Variants in AZGP1 observed in about 807,000 individuals in gnomAD.
AZGP1 encodes zinc-alpha-2-glycoprotein.
Under a neutral mutation model 31.5 loss-of-function variants are expected in AZGP1, and 28 were observed. The observed-to-expected ratio is 0.89, with a 90% CI of 0.66 to 1.22. The LOEUF (loss-of-function observed/expected upper bound fraction) is 1.22. Among genes scored for constraint, AZGP1 ranks in the 50% most tolerant of loss-of-function variants. The probability of loss-of-function intolerance (pLI) is 0.00; values close to 1 mark genes in which losing one functional copy is unlikely to be tolerated. For synonymous variants in AZGP1, 135 were observed against 145.4 expected (o/e 0.93, Z 0.51); for missense variants, 361 against 371.8 (o/e 0.97, Z 0.24).
At chr7:99,971,407 C>G (rs967324906) in intron 2 of AZGP1, among the ~76,000 whole-genome samples, 1 of 152,174 alleles carries the variant, frequency 6.6e-6, no homozygotes, top group Non-Finnish European at 1.5e-5. Flanking sequence ...GGCAACCTCC[C>G]TGGACAGGGG....
At chr7:99,975,908 T>G in intron 1 of AZGP1, 37 bp downstream of exon 1, 1 of 1,608,806 alleles carries the variant, frequency 6.2e-7, no homozygotes, top group Non-Finnish European at 8.5e-7. Flanking sequence ...CTCCTTCCAG[T>G]CCTCTCCAGC....
intron 2 of AZGP1, among the ~76,000 whole-genome samples, chr7:99,971,014 G>C (rs373172143): frequency 6.6e-6 from 1 of 152,166 alleles, no homozygotes; most frequent in African/African-American, 2.4e-5. Context: ...GGTCTGCATC[G>C]TATGGTAAGG....
chr7:99,974,525 T>C (rs954852651), intron 1 of AZGP1, among the ~76,000 whole-genome samples: 8 of 152,010 alleles, frequency 5.3e-5, no homozygotes, highest in African/African-American at 1.9e-4. Context: ...AGGCGGAGGT[T>C]GCAGTGAGCC....
chr7:99,968,494 C>G, intron 2 of AZGP1, 64 bp from the exon 3 acceptor site: 1 of 1,581,336 alleles, frequency 6.3e-7, no homozygotes, highest in Middle Eastern at 1.7e-4. Flanking sequence ...CAAAATAACT[C>G]TTAGTCTTGC....
At chr7:99,967,799 C>T in intron 3 of AZGP1, 2 of 531,788 alleles carry the variant, frequency 3.8e-6, no homozygotes, top group East Asian at 3.2e-5. Context: ...AGATAAAAAA[C>T]GATGGGATTT....
chr7:99,967,891 T>C, intron 3 of AZGP1: 1 of 604,414 alleles, frequency 1.7e-6, no homozygotes, highest in Non-Finnish European at 2.9e-6. Context: ...TCAAGCTCCT[T>C]GTCTGTTAAT....
chr7:99,969,695 C>T (rs1246068141), intron 2 of AZGP1, among the ~76,000 whole-genome samples: 1 of 152,152 alleles, frequency 6.6e-6, no homozygotes, highest in Admixed American at 6.5e-5. Flanking sequence ...GTCACAACTA[C>T]ACCAAAGTGT....
chr7:99,968,681 G>T, intron 2 of AZGP1: 1 of 518,452 alleles, frequency 1.9e-6, no homozygotes, highest in Non-Finnish European at 3.4e-6. Context: ...GAGAGCTACA[G>T]CCTGGGCGCT....
chr7:99,967,924 A>T, intron 3 of AZGP1: 1 of 643,648 alleles, frequency 1.6e-6, no homozygotes, highest in Non-Finnish European at 2.7e-6. Flanking sequence ...GGGGACACTC[A>T]TCAAGAAAGA....
intron 3 of AZGP1, 88 bp from the exon 4 acceptor site, chr7:99,967,374 C>A: frequency 7.0e-7 from 1 of 1,436,234 alleles, no homozygotes. Context: ...TGGATGTCAG[C>A]GATCAGCAGA....
intron 1 of AZGP1, 30 bp from the exon 2 acceptor site, chr7:99,972,036 G>T (rs371847507): frequency 1.3e-6 from 2 of 1,576,794 alleles, no homozygotes; most frequent in Admixed American, 1.7e-5. Context: ...GATGGTTGAG[G>T]TCCATGCAAG....
intron 2 of AZGP1, chr7:99,968,686 G>C (rs1789531300): frequency 2.0e-6 from 1 of 501,648 alleles, no homozygotes; most frequent in Non-Finnish European, 3.5e-6. Flanking sequence ...CTACAGCCTG[G>C]GCGCTGTGGC....
intron 3 of AZGP1, chr7:99,967,949 C>A: frequency 1.4e-6 from 1 of 730,712 alleles, no homozygotes; most frequent in Non-Finnish European, 2.3e-6. Flanking sequence ...CCTTCCTGGC[C>A]CATTCTGCCT....
Position 99,967,100 on chromosome 7 carries a change from AC to A in AZGP1, c.799del (p.Val267TrpfsTer69), listed in dbSNP as rs1789493998. On this transcript the variant is annotated frameshift_variant, in exon 4 of 4. Transcript: ENST00000292401. LOFTEE classifies it high-confidence loss of function. Reference sequence around the variant, plus strand: ...TGTGTCCTGCGGGGGCACTGCCACCACCACCCAGGACTGGTAAGTGCCATTT... The same window carrying A: ...TGTGTCCTGCGGGGGCACTGCCACCACACCCAGGACTGGTAAGTGCCATTT... ...NGNGTYQSWV[V>X]VAVPPQDTAP... The A allele has an allele frequency of 6.2e-7, 1 of 1,614,042 alleles. No individual in the cohort carries two copies. The highest frequency in any genetic ancestry group is 1.3e-5 in the African/African-American group (1 of 74,906).
intron 2 of AZGP1, among the ~76,000 whole-genome samples, chr7:99,969,230 A>G (rs927176709): frequency 3.3e-5 from 5 of 151,698 alleles, no homozygotes; most frequent in African/African-American, 1.2e-4. Context: ...CCAACATGGT[A>G]AGACCTCATC....
At chr7:99,967,968 G>A in intron 3 of AZGP1, 187 bp downstream of exon 3, 1 of 858,668 alleles carries the variant, frequency 1.2e-6, no homozygotes, top group Non-Finnish European at 1.8e-6. Flanking sequence ...CTGAAATTTT[G>A]ATGATGTTCT....
At chr7:99,973,962 G>T (rs1021095812) in intron 1 of AZGP1, among the ~76,000 whole-genome samples, 3 of 150,344 alleles carry the variant, frequency 2.0e-5, no homozygotes, top group African/African-American at 2.4e-5. Flanking sequence ...GCACAACAGG[G>T]TGACTATAGT....
At chr7:99,967,562 G>A in intron 3 of AZGP1, 1 of 522,118 alleles carries the variant, frequency 1.9e-6, no homozygotes, top group Non-Finnish European at 3.4e-6. Flanking sequence ...GTGGGCTTTG[G>A]AGTTCTGTCC....
At position 99,968,239 on chromosome 7, in the gene AZGP1, G is replaced by A. The variant is rs376765198; in HGVS notation, c.529C>T (p.Arg177Trp). The part of the protein sequence containing the change: ...KWEAEPVYVQ[R>W]AKAYLEEECP... ...TCCTCCTCCAGGTAAGCCTTGGCCC[G>A]CTGCACGTAGACTGGTTCTGCCTCC... The change falls in exon 3 of 4, where the codon CGG becomes TGG. Residue 177 changes from arginine to tryptophan, a missense_variant. Arg to Trp is a moderately radical substitution (Grantham distance 101). Transcript: ENST00000292401. 1.1e-5 allele frequency: 18 copies of A among 1,613,690 alleles called. No homozygotes were observed. The highest frequency in any genetic ancestry group is 6.7e-5 in the African/African-American group (5 of 74,790).
Sources: gnomAD v4.1 joint callset for allele counts (sites outside exome capture counted in the v4.1 genomes callset) on GRCh38, gnomAD v4.1.1 for gene constraint, MANE v1.5 for transcripts, NCBI Gene and HGNC (gene_info 2026-07-23, HGNC 2026-07-21) for gene names.